C16orf74: variants seen among roughly 807,000 people sequenced by gnomAD.
C16orf74 encodes the protein uncharacterized protein C16orf74.
C16orf74 carries 10 observed loss-of-function variants against 6.5 expected under a neutral mutation model. The ratio of observed to expected loss-of-function variants is 1.54; its 90% CI spans 0.95 to 2.61. The LOEUF (loss-of-function observed/expected upper bound fraction) is 2.61, where lower values mean the gene tolerates loss of function less well. Ranked by LOEUF, C16orf74 falls within the 30% of genes most tolerant of loss-of-function variation. The pLI is 0.00. For synonymous variants in C16orf74, 60 were observed against 42.5 expected (o/e 1.41, Z -1.60); for missense variants, 141 against 105.9 (o/e 1.33, Z -1.45).
chr16:85,746,107 G>T (rs2054370531), intron 1 of C16orf74, among the ~76,000 whole-genome samples: 1 of 152,304 alleles, frequency 6.6e-6, no homozygotes, highest in East Asian at 1.9e-4. Flanking sequence ...AGCACTTTGG[G>T]AGGATGAGGC....
chr16:85,745,034 G>C (rs1250018914), intron 1 of C16orf74, among the ~76,000 whole-genome samples: 2 of 150,432 alleles, frequency 1.3e-5, no homozygotes, highest in South Asian at 2.1e-4. Flanking sequence ...CCAGCTACTC[G>C]GGAGGCTGAG....
intron 2 of C16orf74, among the ~76,000 whole-genome samples, chr16:85,724,151 C>T (rs757942352): frequency 2.0e-5 from 3 of 152,164 alleles, no homozygotes; most frequent in Non-Finnish European, 4.4e-5. Flanking sequence ...CTTGGCCTCC[C>T]AAAGTGCTGG....
Position 85,707,889 on chromosome 16 carries a change from G to A in C16orf74, c.*119C>T, listed in dbSNP as rs942463701. On this transcript the variant is annotated 3_prime_UTR_variant, in exon 4 of 4. Coordinates refer to ENST00000284245, the MANE Select transcript of C16orf74 (RefSeq NM_206967.3). ...GCCACGTCTCTCTGAGCGGAGGCCCGGGTTCGCTCAGTTCCCATCCAGGGT... is the reference window on the plus strand; with the variant it reads ...GCCACGTCTCTCTGAGCGGAGGCCCAGGTTCGCTCAGTTCCCATCCAGGGT... The A allele has an allele frequency of 8.9e-6, 7 of 785,978 alleles. No individual in the cohort carries two copies. Among genetic ancestry groups the A allele is most frequent in the Admixed American group, 4.8e-5 (2 of 42,056 alleles). 48.7% of individuals were successfully genotyped at this position (785,978 alleles called of 1,614,324 possible).
intron 1 of C16orf74, among the ~76,000 whole-genome samples, chr16:85,747,385 G>C (rs891008371): frequency 1.3e-5 from 2 of 152,114 alleles, no homozygotes; most frequent in African/African-American, 4.8e-5. Flanking sequence ...CCAGGAGGTT[G>C]AGGCTGCAGT....
chr16:85,739,432 A>C (rs2054279271), intron 1 of C16orf74, among the ~76,000 whole-genome samples: 1 of 152,220 alleles, frequency 6.6e-6, no homozygotes, highest in Non-Finnish European at 1.5e-5. Flanking sequence ...GTTCTCACAG[A>C]AAGAATGATG....
intron 2 of C16orf74, among the ~76,000 whole-genome samples, chr16:85,724,751 C>G (rs441931): frequency 0.38 from 57,616 of 152,020 alleles, 11,346 homozygotes; most frequent in African/African-American, 0.48. Context: ...CCATATGGTG[C>G]CTAAGGCTGA....
chr16:85,707,997 A>G lies in C16orf74; in HGVS notation c.*11T>C. On this transcript the variant is annotated 3_prime_UTR_variant, in exon 4 of 4. Transcript: ENST00000284245. ...GAGCAGGAGCCAGCCAGCCAAACCC[A>G]GGACACCTCCTCAGGCTTCTGGGTC... 2 of 1,551,764 alleles carry G rather than the reference A, an allele frequency of 1.3e-6. No homozygotes were observed. The highest frequency in any genetic ancestry group is 1.7e-6 in the Non-Finnish European group (2 of 1,147,084).
chr16:85,727,325 C>T (rs1415002340), intron 2 of C16orf74, among the ~76,000 whole-genome samples: 2 of 152,170 alleles, frequency 1.3e-5, no homozygotes, highest in East Asian at 3.8e-4. Context: ...ACCAATCAAC[C>T]CCAGGCTGAG....
At chr16:85,723,348 A>G (rs960288093) in intron 2 of C16orf74, among the ~76,000 whole-genome samples, 2 of 151,262 alleles carry the variant, frequency 1.3e-5, no homozygotes, top group Non-Finnish European at 2.9e-5. Flanking sequence ...GGACAACTTG[A>G]GGCCAGCCAG....
intron 1 of C16orf74, among the ~76,000 whole-genome samples, chr16:85,738,747 G>A (rs1446143835): frequency 6.6e-6 from 1 of 151,766 alleles, no homozygotes; most frequent in African/African-American, 2.4e-5. Context: ...AGGGACGGAG[G>A]GCCCAGGCCT....
chr16:85,722,812 C>G (rs2054095916), intron 2 of C16orf74, among the ~76,000 whole-genome samples: 1 of 152,246 alleles, frequency 6.6e-6, no homozygotes, highest in African/African-American at 2.4e-5. Flanking sequence ...TGACAGGTCC[C>G]TCAGCACGTT....
Position 85,744,684 on chromosome 16 carries a change from G to C in C16orf74, c.-19+6242C>G, listed in dbSNP as rs567458272. Among the ~76,000 whole-genome samples, 23 of 152,070 alleles carry C rather than the reference G, an allele frequency of 1.5e-4. 1 individual carries two copies. Among genetic ancestry groups the C allele is most frequent in the African/African-American group, 4.8e-4 (20 of 41,494 alleles). On this transcript the variant is annotated intron_variant, in intron 1 of 3. Transcript: ENST00000284245. ...TCTCTACTAAAAATACAAAAAATTA[G>C]TCAGGCATGGTGGCAGGCGCCTGTA...
chr16:85,723,471 C>T (rs1330042293), intron 2 of C16orf74, among the ~76,000 whole-genome samples: 1 of 152,012 alleles, frequency 6.6e-6, no homozygotes, highest in Non-Finnish European at 1.5e-5. Flanking sequence ...TCCTGAGGTA[C>T]CATTTTTCAC....
intron 1 of C16orf74, among the ~76,000 whole-genome samples, 190 bp from the exon 2 acceptor site, chr16:85,735,425 G>C (rs1453995130): frequency 1.3e-5 from 2 of 152,200 alleles, no homozygotes; most frequent in African/African-American, 4.8e-5. Flanking sequence ...GATGGAGTCT[G>C]TGACGGTGGA....
At chr16:85,708,602 G>C (rs2053936662) in intron 3 of C16orf74, among the ~76,000 whole-genome samples, 1 of 152,208 alleles carries the variant, frequency 6.6e-6, no homozygotes. Context: ...CTAGAGATAA[G>C]GGTTGGAATG....
intron 2 of C16orf74, among the ~76,000 whole-genome samples, chr16:85,721,965 T>A (rs1396130864): frequency 6.9e-6 from 1 of 143,974 alleles, no homozygotes; most frequent in Admixed American, 7.1e-5. Context: ...CTCATTGGAA[T>A]AGAGATTCTA....
intron 2 of C16orf74, among the ~76,000 whole-genome samples, chr16:85,733,604 A>G (rs1598799870): frequency 6.6e-6 from 1 of 152,320 alleles, no homozygotes; most frequent in South Asian, 2.1e-4. Flanking sequence ...CTACTTTGTG[A>G]CAGGCACTGG....
intron 2 of C16orf74, among the ~76,000 whole-genome samples, chr16:85,732,837 ACT>A (rs2054204590): frequency 6.6e-6 from 1 of 151,996 alleles, no homozygotes; most frequent in African/African-American, 2.4e-5. Flanking sequence ...GACAAGCCAC[ACT>A]CGGGACAGGC....
chr16:85,722,093 G>C (rs531517918), intron 2 of C16orf74, among the ~76,000 whole-genome samples: 1 of 146,926 alleles, frequency 6.8e-6, no homozygotes, highest in Non-Finnish European at 1.5e-5. Context: ...TAACTCCTGC[G>C]CTCAGGTGAT....
Sources: allele counts gnomAD v4.1 joint callset (sites outside exome capture counted in the v4.1 genomes callset), GRCh38; gene constraint gnomAD v4.1.1; transcripts MANE v1.5; gene names NCBI Gene and HGNC (gene_info 2026-07-23, HGNC 2026-07-21).